The following ZNF804B variants were observed in gnomAD, a reference collection of about 807,000 sequenced individuals.
The protein encoded by ZNF804B is zinc finger 804B.
In ZNF804B, 80 loss-of-function variants were observed where a neutral mutation model predicts 101.4. The observed-to-expected ratio is 0.79, with a 90% CI of 0.66 to 0.95. ZNF804B has a LOEUF of 0.95. ZNF804B is among the 40% of genes least tolerant of loss of function. The probability of loss-of-function intolerance (pLI) is 0.00; values close to 1 mark genes in which losing one functional copy is unlikely to be tolerated. For missense variants in ZNF804B, 1,673 were observed against 1,561.9 expected (o/e 1.07, Z -1.20); for synonymous variants, 622 against 558.8 (o/e 1.11, Z -1.59).
At chr7:89,170,047 C>T (rs1376399940) in intron 1 of ZNF804B, among the ~76,000 whole-genome samples, 1 of 152,214 alleles carries the variant, frequency 6.6e-6, no homozygotes, top group Non-Finnish European at 1.5e-5. Context: ...TATACTTCAA[C>T]ATTCTGTTTG....
chr7:89,206,645 A>C (rs1019948568), intron 1 of ZNF804B, among the ~76,000 whole-genome samples: 1 of 152,158 alleles, frequency 6.6e-6, no homozygotes, highest in Non-Finnish European at 1.5e-5. Flanking sequence ...CTAGCTACTC[A>C]GGAGGCTGAG....
At chr7:88,870,787 A>C (rs1233664462) in intron 1 of ZNF804B, among the ~76,000 whole-genome samples, 1 of 152,206 alleles carries the variant, frequency 6.6e-6, no homozygotes, top group Non-Finnish European at 1.5e-5. Context: ...TTGCAAAAAA[A>C]GGCATTGCCT....
chr7:88,769,266 A>T (rs958831067), intron 1 of ZNF804B, among the ~76,000 whole-genome samples: 1 of 152,202 alleles, frequency 6.6e-6, no homozygotes, highest in African/African-American at 2.4e-5. Flanking sequence ...AGATTTTTCC[A>T]TAGAGAATTT....
rs74828996 is a variant in ZNF804B, at chr7:88,772,989, G to C, written c.108+12905G>C. On this transcript the variant is annotated intron_variant, in intron 1 of 3. Coordinates refer to ENST00000333190, the MANE Select transcript of ZNF804B (RefSeq NM_181646.5). ...GCATAAGCCCAGAATACTTTGATCT[G>C]AATAACACTTAGATGGACCATGAAC... 7.4e-3 allele frequency among the ~76,000 whole-genome samples: 1,121 copies of C among 152,258 alleles called. 17 individuals carry two copies. The highest frequency in any genetic ancestry group is 0.024 in the African/African-American group (1,003 of 41,552).
At chr7:89,281,680 C>T (rs1336330639) in intron 2 of ZNF804B, among the ~76,000 whole-genome samples, 2 of 152,086 alleles carry the variant, frequency 1.3e-5, no homozygotes, top group African/African-American at 4.8e-5. Flanking sequence ...ATAAATATCT[C>T]TGTAGACTTT....
intron 1 of ZNF804B, among the ~76,000 whole-genome samples, chr7:89,061,927 T>A (rs146676221): frequency 3.3e-5 from 5 of 152,214 alleles, no homozygotes; most frequent in Non-Finnish European, 7.4e-5. Context: ...TGTATACTCT[T>A]GGCCAAGTCA....
intron 2 of ZNF804B, among the ~76,000 whole-genome samples, chr7:89,291,291 A>ACAC (rs3061226): frequency 0.28 from 41,959 of 151,932 alleles, 5,785 homozygotes; most frequent in Non-Finnish European, 0.29. Context: ...ACTAAATAAG[A>ACAC]CAGAAACCAA....
intron 1 of ZNF804B, among the ~76,000 whole-genome samples, chr7:88,843,208 C>T (rs1033731506): frequency 2.0e-5 from 3 of 152,058 alleles, no homozygotes; most frequent in African/African-American, 7.2e-5. Context: ...CCATCATTCA[C>T]TCAGTTATTG....
At chr7:89,219,400 A>G (rs1447435439) in intron 2 of ZNF804B, among the ~76,000 whole-genome samples, 1 of 150,054 alleles carries the variant, frequency 6.7e-6, no homozygotes, top group Non-Finnish European at 1.5e-5. Context: ...AAAACAGGCA[A>G]ACAAAAAATC....
At chr7:89,141,241 C>T (rs1205423014) in intron 1 of ZNF804B, among the ~76,000 whole-genome samples, 1 of 151,966 alleles carries the variant, frequency 6.6e-6, no homozygotes, top group African/African-American at 2.4e-5. Context: ...ATAATTAAAA[C>T]ATTTAAATAT....
intron 1 of ZNF804B, among the ~76,000 whole-genome samples, chr7:89,117,406 C>T (rs1345997192): frequency 6.6e-6 from 1 of 152,094 alleles, no homozygotes; most frequent in Non-Finnish European, 1.5e-5. Flanking sequence ...TCAGTATTAA[C>T]CAATAAGAAA....
At chr7:88,927,261 T>G (rs944498241) in intron 1 of ZNF804B, among the ~76,000 whole-genome samples, 1 of 152,124 alleles carries the variant, frequency 6.6e-6, no homozygotes, top group African/African-American at 2.4e-5. Context: ...ATTAGACATA[T>G]AAATGAAGAT....
In ZNF804B at chr7:88,820,205, C is replaced by T. The variant is rs185523407; in HGVS notation, c.108+60121C>T. Among the ~76,000 whole-genome samples, 858 of 152,228 alleles carry T rather than the reference C, an allele frequency of 5.6e-3. 5 individuals are homozygous for T. Among genetic ancestry groups the T allele is most frequent in the African/African-American group, 0.02 (820 of 41,548 alleles). On this transcript the variant is annotated intron_variant, in intron 1 of 3. Coordinates refer to ENST00000333190, the MANE Select transcript of ZNF804B (RefSeq NM_181646.5). ...TTGTTGCATCTTTTGTAGGATACAG[C>T]CAGCCTGTACTTCATGATACAAAAC...
chr7:88,780,386 CT>C (rs34619990), intron 1 of ZNF804B, among the ~76,000 whole-genome samples: 7,049 of 111,042 alleles, frequency 0.063, 116 homozygotes, highest in Middle Eastern at 0.076. Context: ...ACTTTTTTGT[CT>C]TTTTTTTTTT....
intron 1 of ZNF804B, among the ~76,000 whole-genome samples, chr7:88,875,707 T>C (rs1399759668): frequency 2.0e-5 from 3 of 152,102 alleles, no homozygotes; most frequent in Non-Finnish European, 4.4e-5. Flanking sequence ...CCAGATGGAT[T>C]CACAGCCGAA....
chr7:88,853,632 A>G (rs1791477642), intron 1 of ZNF804B, among the ~76,000 whole-genome samples: 1 of 152,154 alleles, frequency 6.6e-6, no homozygotes, highest in Admixed American at 6.6e-5. Flanking sequence ...TTAAAATGCT[A>G]TATATAACTC....
intron 1 of ZNF804B, among the ~76,000 whole-genome samples, chr7:89,020,402 C>A (rs1320134397): frequency 1.3e-5 from 2 of 152,014 alleles, no homozygotes; most frequent in Non-Finnish European, 2.9e-5. Context: ...TCTCACCTGA[C>A]CTTTAAGATT....
chr7:88,772,787 A>G (rs1289674932), intron 1 of ZNF804B, among the ~76,000 whole-genome samples: 1 of 152,136 alleles, frequency 6.6e-6, no homozygotes, highest in Non-Finnish European at 1.5e-5. Flanking sequence ...TGACCAGTGT[A>G]TTTCAGGTGG....
At chr7:88,872,681 C>T (rs1451523066) in intron 1 of ZNF804B, among the ~76,000 whole-genome samples, 1 of 150,848 alleles carries the variant, frequency 6.6e-6, no homozygotes, top group Non-Finnish European at 1.5e-5. Context: ...CATGTGTTCT[C>T]ATTGTTCAAT....
Sources: allele counts gnomAD v4.1 joint callset (sites outside exome capture counted in the v4.1 genomes callset), GRCh38; gene constraint gnomAD v4.1.1; transcripts MANE v1.5; gene names NCBI Gene and HGNC (gene_info 2026-07-23, HGNC 2026-07-21).